The following WWOX variants were observed in gnomAD, a reference collection of about 807,000 sequenced individuals.
The protein encoded by WWOX is WW domain containing oxidoreductase, also known as WW domain-containing oxidoreductase.
A neutral mutation model predicts 46.2 loss-of-function variants in WWOX; 69 were observed. That is an observed-to-expected ratio of 1.49 (90% confidence interval 1.23 to 1.82). The LOEUF (loss-of-function observed/expected upper bound fraction) is 1.82, where lower values mean the gene tolerates loss of function less well. WWOX is among the 40% of genes most tolerant of loss of function. The pLI, the probability that WWOX is intolerant of heterozygous loss-of-function variation, is 0.00. For missense variants in WWOX, 919 were observed against 542.6 expected (o/e 1.69, Z -6.89); for synonymous variants, 359 against 202.6 (o/e 1.77, Z -6.56).
intron 4 of WWOX, among the ~76,000 whole-genome samples, chr16:78,126,563 A>G (rs188358186): frequency 1.9e-3 from 286 of 152,314 alleles, no homozygotes; most frequent in Admixed American, 3.6e-3. Flanking sequence ...CTCATGTGCT[A>G]TCATTTAATT....
chr16:79,130,615 T>A (rs1405818944), intron 8 of WWOX, among the ~76,000 whole-genome samples: 1 of 152,042 alleles, frequency 6.6e-6, no homozygotes, highest in African/African-American at 2.4e-5. Context: ...CCCCATGGAG[T>A]TGAAACTCCT....
At chr16:78,330,666 A>T (rs538162151) in intron 5 of WWOX, among the ~76,000 whole-genome samples, 9 of 152,302 alleles carry the variant, frequency 5.9e-5, no homozygotes, top group African/African-American at 1.9e-4. Context: ...TAGTGCTGGG[A>T]TTATAGGCGT....
At chr16:78,849,279 C>T (rs554805469) in intron 8 of WWOX, among the ~76,000 whole-genome samples, 1 of 152,182 alleles carries the variant, frequency 6.6e-6, no homozygotes, top group East Asian at 1.9e-4. Flanking sequence ...TGTCAAAAAA[C>T]ACAACGACAG....
intron 8 of WWOX, among the ~76,000 whole-genome samples, chr16:79,191,163 T>G (rs907735490): frequency 6.6e-6 from 1 of 152,132 alleles, no homozygotes; most frequent in Non-Finnish European, 1.5e-5. Flanking sequence ...AAGCGATTCT[T>G]CTGCCTCAGC....
At chr16:79,206,539 C>A (rs384228) in intron 8 of WWOX, 59,928 of 152,036 alleles carry the variant, frequency 0.39, 14,069 homozygotes, top group Non-Finnish European at 0.54. Flanking sequence ...CCATGCAGAG[C>A]CTGGCAAATC....
chr16:79,143,093 A>G (rs529977872), intron 8 of WWOX, among the ~76,000 whole-genome samples: 1 of 152,242 alleles, frequency 6.6e-6, no homozygotes, highest in East Asian at 1.9e-4. Context: ...GTTCAGAAGT[A>G]TTTGGCTTTG....
At chr16:78,996,778 C>G (rs947565224) in intron 8 of WWOX, among the ~76,000 whole-genome samples, 3 of 152,170 alleles carry the variant, frequency 2.0e-5, no homozygotes, top group African/African-American at 7.2e-5. Context: ...CGCTTCCCAC[C>G]TGCCTCGTAT....
intron 8 of WWOX, among the ~76,000 whole-genome samples, chr16:79,172,135 G>T (rs1386406044): frequency 6.6e-6 from 1 of 151,970 alleles, no homozygotes; most frequent in Non-Finnish European, 1.5e-5. Context: ...ACATTTTCTT[G>T]GGTTCCTGGT....
chr16:79,072,936 T>A (rs973904299), intron 8 of WWOX, among the ~76,000 whole-genome samples: 2 of 152,146 alleles, frequency 1.3e-5, no homozygotes, highest in African/African-American at 4.8e-5. Flanking sequence ...GGAAGTGTTT[T>A]CCCCATTTGG....
intron 8 of WWOX, among the ~76,000 whole-genome samples, chr16:78,708,174 G>C (rs1029646471): frequency 6.6e-6 from 1 of 152,150 alleles, no homozygotes; most frequent in Admixed American, 6.5e-5. Context: ...CAGAGTGGTA[G>C]AGCAAGACCC....
intron 4 of WWOX, among the ~76,000 whole-genome samples, chr16:78,131,810 T>C (rs2033604802): frequency 6.6e-6 from 1 of 151,412 alleles, no homozygotes; most frequent in Non-Finnish European, 1.5e-5. Context: ...GGTGTTGAAC[T>C]CCTGACCTCG....
intron 5 of WWOX, among the ~76,000 whole-genome samples, chr16:78,374,583 C>G: frequency 8.7e-6 from 1 of 115,044 alleles, no homozygotes; most frequent in Non-Finnish European, 1.7e-5. Context: ...GAGTTTCTGT[C>G]TGTCGCCCAG....
chr16:78,478,583 C>A (rs529301449), intron 8 of WWOX, among the ~76,000 whole-genome samples: 2 of 151,664 alleles, frequency 1.3e-5, no homozygotes, highest in South Asian at 2.1e-4. Context: ...TTGCACCCCC[C>A]ACCCCAAGGA....
intron 8 of WWOX, chr16:78,756,883 G>T: frequency 8.5e-6 from 6 of 702,916 alleles, no homozygotes; most frequent in South Asian, 3.0e-5. Flanking sequence ...GACTTACGAG[G>T]CTAGACCATA....
At chr16:78,464,076 T>A (rs1450819343) in intron 8 of WWOX, among the ~76,000 whole-genome samples, 1 of 152,108 alleles carries the variant, frequency 6.6e-6, no homozygotes. Context: ...CCCACACCAG[T>A]GACAACCGGT....
At chr16:78,125,857 G>C (rs2033338778) in intron 4 of WWOX, among the ~76,000 whole-genome samples, 1 of 152,074 alleles carries the variant, frequency 6.6e-6, no homozygotes, top group African/African-American at 2.4e-5. Context: ...AGCTTGATGT[G>C]CCTTCTCATT....
In WWOX at chr16:78,366,290, C is replaced by T. The variant is rs191275975; in HGVS notation, c.517-20570C>T. Among the ~76,000 whole-genome samples the T allele has an allele frequency of 5.1e-4, 78 of 152,318 alleles. No homozygotes were observed. In the East Asian group the frequency reaches 7.9e-3, roughly 15 times the overall value. ...AACTTTTAGATTATTTAATAGAAGA[C>T]ACATTTTACAAGGCAAAGTGTTTAG... On this transcript the variant is annotated intron_variant, in intron 5 of 8. Transcript: ENST00000566780.
intron 6 of WWOX, among the ~76,000 whole-genome samples, chr16:78,405,868 G>A (rs974224352): frequency 6.6e-6 from 1 of 152,106 alleles, no homozygotes; most frequent in Admixed American, 6.5e-5. Flanking sequence ...ATAATGAGAG[G>A]CAGACACAGG....
chr16:78,312,081 C>T (rs530038367), intron 5 of WWOX, among the ~76,000 whole-genome samples: 4 of 152,184 alleles, frequency 2.6e-5, no homozygotes, highest in African/African-American at 9.7e-5. Flanking sequence ...GGCCATGTCT[C>T]TGGTTCTTTG....
Sources: gnomAD v4.1 joint callset for allele counts (sites outside exome capture counted in the v4.1 genomes callset) on GRCh38, gnomAD v4.1.1 for gene constraint, MANE v1.5 for transcripts, NCBI Gene and HGNC (gene_info 2026-07-23, HGNC 2026-07-21) for gene names.